The following NDE1 variants were observed in gnomAD, a reference collection of about 807,000 sequenced individuals.
The protein encoded by NDE1 is nuclear distribution protein nudE homolog 1.
In NDE1, 28 loss-of-function variants were observed where a neutral mutation model predicts 43.4. The ratio of observed to expected loss-of-function variants is 0.65; its 90% CI spans 0.48 to 0.89. NDE1 has a LOEUF of 0.89. NDE1 is among the 40% of genes least tolerant of loss of function. The pLI is 0.00. For synonymous variants in NDE1, 184 were observed against 172.0 expected (o/e 1.07, Z -0.55); for missense variants, 441 against 434.1 (o/e 1.02, Z -0.14).
intron 8 of NDE1, among the ~76,000 whole-genome samples, chr16:15,706,536 C>T (rs1044849868): frequency 1.3e-5 from 2 of 152,158 alleles, no homozygotes; most frequent in South Asian, 2.1e-4. Context: ...GGTGAAACCC[C>T]GTCTCTACTA....
At chr16:15,686,898 A>G (rs2038466457) in intron 4 of NDE1, 14 of 851,878 alleles carry the variant, frequency 1.6e-5, no homozygotes, top group Non-Finnish European at 2.0e-5. Flanking sequence ...CATTTGCCCA[A>G]GCTTGCCAGG....
intron 4 of NDE1, among the ~76,000 whole-genome samples, chr16:15,681,352 AC>A (rs2038172979): frequency 8.2e-6 from 1 of 122,170 alleles, no homozygotes; most frequent in South Asian, 2.7e-4. Context: ...TGGAGCCTTG[AC>A]CTCCTGGGGC....
chr16:15,685,725 G>A lies in NDE1; in HGVS notation c.387-1650G>A, dbSNP rs558104010. 1.8e-4 allele frequency among the ~76,000 whole-genome samples: 28 copies of A among 152,226 alleles called. 2 individuals carry two copies. The South Asian group carries it at 3.7e-3, about 20-fold the overall frequency. On this transcript the variant is annotated intron_variant, in intron 4 of 8. Transcript: ENST00000396354. ...TTAATTTGGTGATTGAAGGAACTGA[G>A]GATGAAGGAGATCAAGTTCCGCAAT...
intron 6 of NDE1, 83 bp from the exon 7 acceptor site, chr16:15,694,071 TCCCTCCTGTCC>T (rs2038887996): frequency 7.1e-7 from 1 of 1,412,878 alleles, no homozygotes; most frequent in South Asian, 1.2e-5. Flanking sequence ...GGCGTCAGTG[TCCCTCCTGTCC>T]CGTGGTTTTG....
chr16:15,671,907 G>A (rs1158970063), intron 3 of NDE1, among the ~76,000 whole-genome samples: 1 of 151,872 alleles, frequency 6.6e-6, no homozygotes, highest in East Asian at 1.9e-4. Context: ...ATGCTAGTCT[G>A]GGACTCCTGA....
rs2040650658 is a variant in NDE1 at position 15,724,530 on chromosome 16, G to A, written c.*279G>A. On this transcript the variant is annotated 3_prime_UTR_variant, in exon 9 of 9. Transcript: ENST00000396354. ...TCGTTGGAGAAACCCAATAGCAGGG[G>A]AAGCTGGGGGGTCAAGCACCATCGC... 2.1e-5 allele frequency: 34 copies of A among 1,606,326 alleles called. 2 individuals are homozygous for A. In the East Asian group the frequency reaches 7.1e-4, roughly 34 times the overall value.
chr16:15,645,942 A>C (rs929000466), upstream of NDE1, among the ~76,000 whole-genome samples: 1 of 152,230 alleles, frequency 6.6e-6, no homozygotes, highest in African/African-American at 2.4e-5. Flanking sequence ...AAGGAAGTTA[A>C]ATTGAGTTAT....
intron 8 of NDE1, among the ~76,000 whole-genome samples, chr16:15,712,020 C>T (rs981661314): frequency 6.6e-6 from 1 of 152,006 alleles, no homozygotes; most frequent in African/African-American, 2.4e-5. Flanking sequence ...GAAAGTTGAC[C>T]AGATTCTCCC....
intron 3 of NDE1, among the ~76,000 whole-genome samples, chr16:15,677,592 A>G (rs890580841): frequency 6.7e-6 from 1 of 149,232 alleles, no homozygotes; most frequent in African/African-American, 2.5e-5. Flanking sequence ...CCTCAAAAGA[A>G]AAAAAAAAAA....
At position 15,686,350 on chromosome 16, in the gene NDE1, G is replaced by C. The variant is rs969749207; in HGVS notation, c.387-1025G>C. The C allele has an allele frequency of 5.1e-6, 5 of 981,406 alleles. No homozygotes were observed. The African/African-American group carries it at 8.8e-5, about 17-fold the overall frequency. The allele number at this position is 981,406 out of a possible 1,614,324, so 60.8% of individuals were successfully genotyped here. On this transcript the variant is annotated intron_variant, in intron 4 of 8. Transcript: ENST00000396354. The stretch of plus-strand genomic sequence containing the variant: ...TGAGAGAAAACTGAGGTGCAGAGAA[G>C]GTGGTTTTCCCAGAATTATAACAGA...
chr16:15,720,173 A>G lies in NDE1; in HGVS notation c.948-4018A>G. On this transcript the variant is annotated intron_variant, in intron 8 of 8. Coordinates refer to ENST00000396354, the MANE Select transcript of NDE1 (RefSeq NM_017668.3). ...CACCTGCAGTTTGCGTAGCTGCTTG[A>G]TGGCTTCCTCCCTCCCCTTGATGGC... 1 of 1,614,018 alleles carries G rather than the reference A, an allele frequency of 6.2e-7. No individual in the cohort carries two copies. Among genetic ancestry groups the G allele is most frequent in the Non-Finnish European group, 8.5e-7 (1 of 1,179,998 alleles).
chr16:15,711,533 C>T (rs917491343), intron 8 of NDE1, among the ~76,000 whole-genome samples: 10 of 151,966 alleles, frequency 6.6e-5, no homozygotes, highest in Non-Finnish European at 1.3e-4. Flanking sequence ...GTTTATTTGC[C>T]GTTATATTCA....
At chr16:15,690,495 T>A (rs1043341565) in intron 5 of NDE1, among the ~76,000 whole-genome samples, 1 of 151,738 alleles carries the variant, frequency 6.6e-6, no homozygotes, top group Non-Finnish European at 1.5e-5. Flanking sequence ...AGTGCTGGGA[T>A]TACAGGCATG....
intron 4 of NDE1, 120 bp downstream of exon 4, chr16:15,678,069 A>C: frequency 1.5e-6 from 2 of 1,296,938 alleles, no homozygotes; most frequent in Admixed American, 3.5e-5. Context: ...GAACAAAGCC[A>C]GTGCCCTTCT....
At chr16:15,715,208 G>A in intron 8 of NDE1, 1 of 1,614,066 alleles carries the variant, frequency 6.2e-7, no homozygotes, top group Non-Finnish European at 8.5e-7. Context: ...TCCTCCACCT[G>A]CAGCAAGATT....
Position 15,721,010 on chromosome 16 carries a change from C to T in NDE1, c.948-3181C>T, listed in dbSNP as rs1418865149. On this transcript the variant is annotated intron_variant, in intron 8 of 8. Coordinates refer to ENST00000396354, the MANE Select transcript of NDE1 (RefSeq NM_017668.3). ...CCAGCTGCGTCTTCATCTCCTCCAT[C>T]TGGGTCTCCAGGGCCCGCTTGGACT... 1.2e-6 allele frequency: 2 copies of T among 1,614,144 alleles called. No individual in the cohort carries two copies. The highest frequency in any genetic ancestry group is 1.7e-6 in the Non-Finnish European group (2 of 1,180,024).
chr16:15,721,103 G>T (rs552279946), intron 8 of NDE1: 5 of 1,594,770 alleles, frequency 3.1e-6, no homozygotes, highest in Non-Finnish European at 4.3e-6. Context: ...TCATGAAGAC[G>T]ATTGAGAAAC....
At chr16:15,717,086 CCTG>C (rs2040191653) in intron 8 of NDE1, 1 of 1,580,760 alleles carries the variant, frequency 6.3e-7, no homozygotes, top group Non-Finnish European at 8.7e-7. Flanking sequence ...CACTATGACT[CCTG>C]CTGTCCATCA....
intron 3 of NDE1, among the ~76,000 whole-genome samples, 157 bp from the exon 4 acceptor site, chr16:15,677,644 T>TA (rs1451371951): frequency 1.3e-5 from 2 of 151,578 alleles, no homozygotes; most frequent in East Asian, 3.9e-4. Context: ...AGTGGAGTGT[T>TA]ACAGTCATAG....
Sources: allele counts gnomAD v4.1 joint callset (sites outside exome capture counted in the v4.1 genomes callset), GRCh38; gene constraint gnomAD v4.1.1; transcripts MANE v1.5; gene names NCBI Gene and HGNC (gene_info 2026-07-23, HGNC 2026-07-21).